PDE1A: variants seen among roughly 807,000 people sequenced by gnomAD.
The protein encoded by PDE1A is dual specificity calcium/calmodulin-dependent 3',5'-cyclic nucleotide phosphodiesterase 1A.
A neutral mutation model predicts 61.7 loss-of-function variants in PDE1A; 35 were observed. The ratio of observed to expected loss-of-function variants is 0.57; its 90% CI spans 0.43 to 0.75. The LOEUF (loss-of-function observed/expected upper bound fraction) is 0.75, where lower values mean the gene tolerates loss of function less well. PDE1A is among the 30% of genes least tolerant of loss of function. The probability of loss-of-function intolerance (pLI) is 0.00; values close to 1 mark genes in which losing one functional copy is unlikely to be tolerated. For synonymous variants in PDE1A, 232 were observed against 213.2 expected, an observed-to-expected ratio of 1.09 and a Z score of -0.77; for missense variants, 597 against 630.6, an observed-to-expected ratio of 0.95 and a Z score of 0.57.
intron 11 of PDE1A, 23 bp downstream of exon 11, chr2:182,188,956 C>T (rs1254746297): frequency 1.3e-6 from 2 of 1,540,540 alleles, no homozygotes; most frequent in African/African-American, 1.4e-5. Flanking sequence ...TCACTTTCCA[C>T]CACCACAAAT....
At chr2:182,195,971 A>T (rs1041091291) in intron 10 of PDE1A, among the ~76,000 whole-genome samples, 1 of 152,108 alleles carries the variant, frequency 6.6e-6, no homozygotes, top group Non-Finnish European at 1.5e-5. Context: ...TTCATTGCTT[A>T]TTTACCTCCA....
intron 13 of PDE1A, among the ~76,000 whole-genome samples, chr2:182,159,712 T>C (rs1426313250): frequency 2.0e-5 from 3 of 152,188 alleles, no homozygotes; most frequent in Non-Finnish European, 4.4e-5. Context: ...TCTTGCACTT[T>C]GGGAGGCTGA....
intron 2 of PDE1A, among the ~76,000 whole-genome samples, chr2:182,470,748 C>A (rs1231256860): frequency 6.6e-6 from 1 of 151,664 alleles, no homozygotes; most frequent in East Asian, 1.9e-4. Context: ...CATGGGACAG[C>A]AAATAGGTAC....
chr2:182,168,184 A>T, exon 14 of PDE1A: 1 of 1,549,682 alleles, frequency 6.5e-7, no homozygotes, highest in South Asian at 1.3e-5. Context: ...GCATAATCAA[A>T]ATCTCCAAGT....
At chr2:182,345,997 G>C (rs537776930) in intron 1 of PDE1A, among the ~76,000 whole-genome samples, 1 of 152,280 alleles carries the variant, frequency 6.6e-6, no homozygotes, top group South Asian at 2.1e-4. Flanking sequence ...ACGAGAGTGA[G>C]GGTATCAGAC....
intron 1 of PDE1A, among the ~76,000 whole-genome samples, chr2:182,286,831 T>C (rs1463834526): frequency 6.6e-6 from 1 of 152,152 alleles, no homozygotes; most frequent in Non-Finnish European, 1.5e-5. Flanking sequence ...GTAATAGGTA[T>C]GATGAACAAC....
In PDE1A at chr2:182,377,507, C is replaced by A. The variant is rs557966581; in HGVS notation, c.53+49071G>T. 1.9e-4 allele frequency among the ~76,000 whole-genome samples: 29 copies of A among 152,152 alleles called. 1 individual carries two copies. In the South Asian group the frequency reaches 6.0e-3, roughly 32 times the overall value. On this transcript the variant is annotated intron_variant, in intron 1 of 13. Coordinates refer to ENST00000351439, the Ensembl canonical transcript of PDE1A. ...TCTCAGGTATTTCTTGATAGTGATG[C>A]AAGAACAGATTAATACAGACATTGT...
the PDE1A span, among the ~76,000 whole-genome samples, chr2:182,561,378 T>A: frequency 1.6e-4 from 24 of 152,072 alleles, no homozygotes; most frequent in Non-Finnish European, 3.2e-4. Flanking sequence ...ATATGAGGTG[T>A]TATTTCTGAG....
chr2:182,219,540 A>C (rs1688543230), intron 7 of PDE1A, among the ~76,000 whole-genome samples: 1 of 152,094 alleles, frequency 6.6e-6, no homozygotes, highest in African/African-American at 2.4e-5. Context: ...CAAATATAGC[A>C]AAAAAGAAAG....
intron 2 of PDE1A, among the ~76,000 whole-genome samples, chr2:182,511,325 G>T (rs189698686): frequency 1.3e-5 from 2 of 151,986 alleles, no homozygotes; most frequent in African/African-American, 2.4e-5. Context: ...CAGACCCTGA[G>T]CTGAAGAGAA....
the PDE1A span, among the ~76,000 whole-genome samples, chr2:182,530,530 A>G: frequency 6.6e-6 from 1 of 152,188 alleles, no homozygotes; most frequent in East Asian, 1.9e-4. Context: ...GAAAGCAGTG[A>G]GAGAAAAATT....
chr2:182,178,059 T>C (rs973823003), intron 13 of PDE1A, among the ~76,000 whole-genome samples: 2 of 152,194 alleles, frequency 1.3e-5, no homozygotes, highest in African/African-American at 4.8e-5. Context: ...GATGAGCTGA[T>C]ACAGTGAATC....
At chr2:182,294,856 C>T (rs1424378432) in intron 1 of PDE1A, among the ~76,000 whole-genome samples, 1 of 151,866 alleles carries the variant, frequency 6.6e-6, no homozygotes, top group Non-Finnish European at 1.5e-5. Flanking sequence ...TCAGGGTCAT[C>T]AGGTGTGATG....
intron 1 of PDE1A, among the ~76,000 whole-genome samples, chr2:182,301,697 A>T (rs1695254827): frequency 6.6e-6 from 1 of 152,256 alleles, no homozygotes; most frequent in South Asian, 2.1e-4. Context: ...ATGCAAAATG[A>T]TAATGAACAG....
At chr2:182,390,609 C>T (rs1701364938) in intron 1 of PDE1A, among the ~76,000 whole-genome samples, 1 of 152,196 alleles carries the variant, frequency 6.6e-6, no homozygotes, top group South Asian at 2.1e-4. Flanking sequence ...TTACCTCCTA[C>T]AGACAAAGGG....
At chr2:182,403,325 C>T (rs551383355) in intron 1 of PDE1A, among the ~76,000 whole-genome samples, 173 of 152,084 alleles carry the variant, frequency 1.1e-3, no homozygotes, top group Non-Finnish European at 2.1e-3. Context: ...ATAGGCCAGG[C>T]GCGGTGGCTC....
At chr2:182,257,814 G>T (rs1691928872) in intron 2 of PDE1A, among the ~76,000 whole-genome samples, 2 of 152,160 alleles carry the variant, frequency 1.3e-5, no homozygotes, top group South Asian at 4.1e-4. Context: ...AGGCATTAGA[G>T]GATGCACCAA....
At chr2:182,715,709 G>A in the PDE1A span, among the ~76,000 whole-genome samples, 2 of 152,150 alleles carry the variant, frequency 1.3e-5, no homozygotes, top group African/African-American at 4.8e-5. Flanking sequence ...AAATATTGTA[G>A]AAGTCTCAAA....
chr2:182,355,957 A>G (rs981098488), intron 1 of PDE1A, among the ~76,000 whole-genome samples: 2 of 152,190 alleles, frequency 1.3e-5, no homozygotes, highest in Non-Finnish European at 2.9e-5. Flanking sequence ...TGAGTTGTTT[A>G]TATTCTAGAA....
Sources: gnomAD v4.1 joint callset for allele counts (sites outside exome capture counted in the v4.1 genomes callset) on GRCh38, gnomAD v4.1.1 for gene constraint, MANE v1.5 for transcripts, NCBI Gene and HGNC (gene_info 2026-07-23, HGNC 2026-07-21) for gene names.